CDC42BPA: variants seen among roughly 807,000 people sequenced by gnomAD.
CDC42BPA encodes the protein serine/threonine-protein kinase MRCK alpha.
Under a neutral mutation model 223.5 loss-of-function variants are expected in CDC42BPA, and 80 were observed. The ratio of observed to expected loss-of-function variants is 0.36; its 90% CI spans 0.30 to 0.43. CDC42BPA has a LOEUF of 0.43. Ranked by LOEUF, CDC42BPA falls within the 20% of genes least tolerant of loss-of-function variation. CDC42BPA has a pLI of 1.00. For synonymous variants in CDC42BPA, 694 were observed against 718.6 expected (o/e 0.97, Z 0.55); for missense variants, 1,743 against 2,099.9 (o/e 0.83, Z 3.32).
rs971242192 is a variant in CDC42BPA, at chr1:227,175,446, T to TATAA, written c.600-14814_600-14811dup. Reference sequence around the variant, plus strand: ...GAAGTCTAATTTAAATATATATATATATAAATAAATAACTGGATAATGGGT... The same window carrying TATAA: ...GAAGTCTAATTTAAATATATATATATATAAATAAATAAATAACTGGATAATGGGT... On this transcript the variant is annotated intron_variant, in intron 5 of 36. Transcript: ENST00000366766. Among the ~76,000 whole-genome samples, 24 of 151,746 alleles carry TATAA rather than the reference T, an allele frequency of 1.6e-4. 1 individual carries two copies. Among genetic ancestry groups the TATAA allele is most frequent in the African/African-American group, 5.8e-4 (24 of 41,440 alleles).
intron 4 of CDC42BPA, among the ~76,000 whole-genome samples, chr1:227,197,141 T>C (rs534509045): frequency 2.0e-4 from 31 of 152,322 alleles, no homozygotes; most frequent in South Asian, 1.2e-3. Flanking sequence ...TAGAACCATA[T>C]AGCATTATAA....
At chr1:227,111,008 A>G (rs1686819314) in intron 14 of CDC42BPA, among the ~76,000 whole-genome samples, 1 of 152,216 alleles carries the variant, frequency 6.6e-6, no homozygotes, top group South Asian at 2.1e-4. Flanking sequence ...AATTAACAAT[A>G]TAACTGTCTG....
At chr1:227,246,192 G>A (rs1361206031) in intron 2 of CDC42BPA, among the ~76,000 whole-genome samples, 1 of 152,246 alleles carries the variant, frequency 6.6e-6, no homozygotes, top group African/African-American at 2.4e-5. Flanking sequence ...CAGTCATGGT[G>A]CTGGCCACAG....
At chr1:227,286,579 T>A (rs891232911) in intron 1 of CDC42BPA, among the ~76,000 whole-genome samples, 1 of 152,136 alleles carries the variant, frequency 6.6e-6, no homozygotes, top group Non-Finnish European at 1.5e-5. Flanking sequence ...TCTTCCAACC[T>A]CCGTACGTTA....
intron 35 of CDC42BPA, 140 bp downstream of exon 35, chr1:227,004,854 A>G: frequency 1.3e-6 from 1 of 777,234 alleles, no homozygotes; most frequent in South Asian, 1.4e-5. Context: ...GGCATTACCC[A>G]GCAGGGTCTG....
intron 24 of CDC42BPA, 132 bp from the exon 25 acceptor site, chr1:227,035,739 A>G (rs962561136): frequency 1.3e-4 from 78 of 604,106 alleles, no homozygotes; most frequent in Non-Finnish European, 1.0e-4. Context: ...TAACTGTTTT[A>G]TCATTTGGGT....
chr1:227,244,084 G>C (rs755190650), intron 2 of CDC42BPA, among the ~76,000 whole-genome samples: 1 of 151,586 alleles, frequency 6.6e-6, no homozygotes, highest in African/African-American at 2.4e-5. Context: ...ACTGTTGACG[G>C]GAATATAAAT....
In CDC42BPA at chr1:227,310,693, G is replaced by GT. The variant is rs200902466; in HGVS notation, c.178+6311dup. ...AAAGGAGTTTTTTTTTTTGTTTTTTGTTTTTTTTTTTGAGACAGAGTCTTG... is the reference window on the plus strand; with the variant it reads ...AAAGGAGTTTTTTTTTTTGTTTTTTGTTTTTTTTTTTTGAGACAGAGTCTTG... On this transcript the variant is annotated intron_variant, in intron 1 of 36. Transcript: ENST00000366766. Among the ~76,000 whole-genome samples the GT allele has an allele frequency of 2.2e-3, 314 of 143,468 alleles. 3 individuals are homozygous for GT. Among genetic ancestry groups the GT allele is most frequent in the Admixed American group, 3.0e-3 (43 of 14,534 alleles). 94.1% of individuals were successfully genotyped at this position (143,468 alleles called of 152,430 possible). A position where few individuals can be genotyped will look rare whatever the true frequency, so the allele number is the denominator to read the frequency against.
chr1:227,278,489 G>GAA (rs1264424954), intron 1 of CDC42BPA, among the ~76,000 whole-genome samples: 2 of 152,170 alleles, frequency 1.3e-5, no homozygotes, highest in Non-Finnish European at 2.9e-5. Flanking sequence ...AGTTAAGGTA[G>GAA]AACCCCAATG....
intron 1 of CDC42BPA, among the ~76,000 whole-genome samples, chr1:227,271,852 C>A (rs979545684): frequency 6.6e-6 from 1 of 152,114 alleles, no homozygotes; most frequent in African/African-American, 2.4e-5. Flanking sequence ...TGCCTTCTTT[C>A]GAGCATCCTC....
chr1:227,188,958 G>C (rs940161382), intron 5 of CDC42BPA, among the ~76,000 whole-genome samples: 2 of 152,026 alleles, frequency 1.3e-5, no homozygotes, highest in Non-Finnish European at 2.9e-5. Flanking sequence ...TGGTGGGCGG[G>C]AGTAGATATA....
At chr1:227,059,549 G>C (rs1394228075) in intron 21 of CDC42BPA, 2 of 747,332 alleles carry the variant, frequency 2.7e-6, no homozygotes, top group East Asian at 5.4e-5. Context: ...GAATGTACAT[G>C]TATTTTTAGG....
At chr1:227,163,705 AT>A (rs1202503720) in intron 5 of CDC42BPA, among the ~76,000 whole-genome samples, 1 of 141,082 alleles carries the variant, frequency 7.1e-6, no homozygotes, top group Non-Finnish European at 1.5e-5. Context: ...TTGTTTTTCC[AT>A]TGTTTTTAAT....
At chr1:227,040,259 A>C in intron 23 of CDC42BPA, 23 bp from the exon 24 acceptor site, 1 of 1,420,316 alleles carries the variant, frequency 7.0e-7, no homozygotes, top group Non-Finnish European at 1.0e-6. Context: ...TTGATAAAAA[A>C]ACACACAGAT....
chr1:227,314,118 A>C (rs1642033026), intron 1 of CDC42BPA, among the ~76,000 whole-genome samples: 1 of 152,110 alleles, frequency 6.6e-6, no homozygotes, highest in Non-Finnish European at 1.5e-5. Context: ...CATTACTAGC[A>C]AATTAGTTTA....
At chr1:227,015,128 T>C (rs1665951167) in intron 34 of CDC42BPA, among the ~76,000 whole-genome samples, 1 of 152,026 alleles carries the variant, frequency 6.6e-6, no homozygotes, top group Non-Finnish European at 1.5e-5. Context: ...GCAATGTTTT[T>C]ATAGAAATGG....
At position 227,135,223 on chromosome 1, in the gene CDC42BPA, C is replaced by T. The variant is rs151082880; in HGVS notation, c.1390+4353G>A. Among the ~76,000 whole-genome samples, 9 of 152,322 alleles carry T rather than the reference C, an allele frequency of 5.9e-5. 1 individual carries two copies. The East Asian group carries it at 1.7e-3, about 29-fold the overall frequency. On this transcript the variant is annotated intron_variant, in intron 10 of 36. Coordinates refer to ENST00000366766, the MANE Select transcript of CDC42BPA (RefSeq NM_001394014.1). ...CAACAATTTGGAAATCTCAAAGTCC[C>T]TAAGCATATGGTGCTTTTATTCCCA...
intron 1 of CDC42BPA, among the ~76,000 whole-genome samples, chr1:227,302,716 C>T (rs1446191045): frequency 6.6e-6 from 1 of 152,038 alleles, no homozygotes; most frequent in Non-Finnish European, 1.5e-5. Context: ...TCTGTTCTTT[C>T]AAAGTGCTCT....
At chr1:227,240,078 T>C (rs758938040) in intron 2 of CDC42BPA, among the ~76,000 whole-genome samples, 12 of 152,090 alleles carry the variant, frequency 7.9e-5, no homozygotes, top group Non-Finnish European at 1.3e-4. Flanking sequence ...TAAATGACTT[T>C]AGTAGGTAGG....
Sources: gnomAD v4.1 joint callset for allele counts (sites outside exome capture counted in the v4.1 genomes callset) on GRCh38, gnomAD v4.1.1 for gene constraint, MANE v1.5 for transcripts, NCBI Gene and HGNC (gene_info 2026-07-23, HGNC 2026-07-21) for gene names.